Variants in CSRNP3 observed in about 807,000 individuals in gnomAD.
The protein encoded by CSRNP3 is cysteine and serine rich nuclear protein 3.
In CSRNP3, 12 loss-of-function variants were observed where a neutral mutation model predicts 48.0. That is an observed-to-expected ratio of 0.25 (90% CI 0.16 to 0.41). The LOEUF is 0.41. CSRNP3 is among the 10% of genes least tolerant of loss of function. The pLI, the probability that CSRNP3 is intolerant of heterozygous loss-of-function variation, is 1.00. For synonymous variants in CSRNP3, 263 were observed against 269.7 expected, an observed-to-expected ratio of 0.98 and a Z score of 0.24; for missense variants, 580 against 724.4, an observed-to-expected ratio of 0.80 and a Z score of 2.29.
rs116325116 is a variant in CSRNP3 at position 165,658,398 on chromosome 2, C to T, written c.408+378C>T. ...AATAAAAGCACAACTTCATTGAGTG[C>T]AATGTAGAAGAGTTGCAAGGTATTA... On this transcript the variant is annotated intron_variant, in intron 5 of 6. Coordinates refer to ENST00000651982, the MANE Select transcript of CSRNP3 (RefSeq NM_001172173.2). Among the ~76,000 whole-genome samples the T allele has an allele frequency of 5.1e-3, 776 of 152,070 alleles. 4 individuals are homozygous for T. Among genetic ancestry groups the T allele is most frequent in the East Asian group, 0.011 (58 of 5,172 alleles).
At chr2:165,607,052 T>C (rs1013675806) in intron 4 of CSRNP3, among the ~76,000 whole-genome samples, 7 of 152,120 alleles carry the variant, frequency 4.6e-5, no homozygotes, top group African/African-American at 1.7e-4. Context: ...TGTTATTTTC[T>C]AGAAGCTTGA....
intron 4 of CSRNP3, among the ~76,000 whole-genome samples, chr2:165,600,752 A>C (rs116558937): frequency 1.0e-3 from 154 of 152,314 alleles, no homozygotes; most frequent in African/African-American, 3.4e-3. Flanking sequence ...GTGTCTGTTC[A>C]TGTCCTTCAG....
Position 165,517,912 on chromosome 2 carries a change from T to C in CSRNP3, c.-73T>C, listed in dbSNP as rs1363440278. The C allele has an allele frequency of 5.3e-5, 8 of 152,378 alleles. No homozygotes were observed. The highest frequency in any genetic ancestry group is 1.0e-4 in the Non-Finnish European group (7 of 67,816). The allele number at this position is 152,378 out of a possible 1,614,324, so 9.4% of individuals were successfully genotyped here. On this transcript the variant is annotated 5_prime_UTR_variant, in exon 3 of 7. Coordinates refer to ENST00000651982, the MANE Select transcript of CSRNP3 (RefSeq NM_001172173.2). Reference sequence around the variant, plus strand: ...ATATCAACAGACTGAAAATATGTTTTCAGAGGCATAGAATCTTCAGGAAAA... The same window carrying C: ...ATATCAACAGACTGAAAATATGTTTCCAGAGGCATAGAATCTTCAGGAAAA...
At chr2:165,617,637 G>A (rs1686270963) in intron 4 of CSRNP3, among the ~76,000 whole-genome samples, 1 of 152,222 alleles carries the variant, frequency 6.6e-6, no homozygotes, top group South Asian at 2.1e-4. Context: ...AGTGGTTATA[G>A]CAACCCAGAA....
intron 4 of CSRNP3, among the ~76,000 whole-genome samples, chr2:165,604,752 T>G (rs890195332): frequency 6.6e-6 from 1 of 152,176 alleles, no homozygotes; most frequent in African/African-American, 2.4e-5. Flanking sequence ...CACCATCCTT[T>G]GAATTGGCTA....
At chr2:165,593,740 A>G (rs1021403855) in intron 3 of CSRNP3, among the ~76,000 whole-genome samples, 2 of 152,190 alleles carry the variant, frequency 1.3e-5, no homozygotes, top group African/African-American at 4.8e-5. Flanking sequence ...AAAGGAGACA[A>G]TGTCTTCAAT....
chr2:165,639,581 GA>G (rs1686692366), intron 4 of CSRNP3, among the ~76,000 whole-genome samples: 1 of 152,172 alleles, frequency 6.6e-6, no homozygotes, highest in Non-Finnish European at 1.5e-5. Context: ...CCGTGATTTT[GA>G]AATATACACA....
chr2:165,489,027 C>T (rs1462755238), intron 1 of CSRNP3, among the ~76,000 whole-genome samples: 1 of 139,086 alleles, frequency 7.2e-6, no homozygotes, highest in South Asian at 2.4e-4. Context: ...TTGAAAGGAT[C>T]AACAAAATTG....
At chr2:165,662,084 A>G (rs915714720) in intron 5 of CSRNP3, among the ~76,000 whole-genome samples, 10 of 123,676 alleles carry the variant, frequency 8.1e-5, no homozygotes, top group African/African-American at 2.4e-4. Context: ...ATACATGCAT[A>G]TACACTTCTA....
chr2:165,580,905 A>G (rs549755575), intron 3 of CSRNP3, among the ~76,000 whole-genome samples: 3 of 151,958 alleles, frequency 2.0e-5, no homozygotes, highest in Admixed American at 6.6e-5. Context: ...CAAATTGTCC[A>G]AGGAATTAGG....
intron 5 of CSRNP3, among the ~76,000 whole-genome samples, chr2:165,674,453 G>A (rs917301775): frequency 3.3e-5 from 5 of 151,582 alleles, no homozygotes; most frequent in African/African-American, 4.9e-5. Context: ...AACACAACCA[G>A]TCAATGTGAC....
chr2:165,630,544 C>T (rs1372853164), intron 4 of CSRNP3, among the ~76,000 whole-genome samples: 1 of 152,160 alleles, frequency 6.6e-6, no homozygotes, highest in African/African-American at 2.4e-5. Flanking sequence ...ATCTTTGTTT[C>T]TTCAGCTGGA....
intron 2 of CSRNP3, among the ~76,000 whole-genome samples, chr2:165,495,892 C>T (rs1684277435): frequency 6.6e-6 from 1 of 151,828 alleles, no homozygotes. Context: ...AGTTTAAACT[C>T]ACCAAAACAG....
At chr2:165,619,735 A>G (rs186809214) in intron 4 of CSRNP3, among the ~76,000 whole-genome samples, 117 of 152,316 alleles carry the variant, frequency 7.7e-4, no homozygotes, top group Non-Finnish European at 1.5e-3. Flanking sequence ...CCTAGTAGTC[A>G]GTCTGACAAA....
At chr2:165,532,790 T>C (rs1187864958) in intron 3 of CSRNP3, among the ~76,000 whole-genome samples, 1 of 152,150 alleles carries the variant, frequency 6.6e-6, no homozygotes, top group Non-Finnish European at 1.5e-5. Flanking sequence ...GCAGATGACA[T>C]GATTGTATAT....
intron 2 of CSRNP3, among the ~76,000 whole-genome samples, chr2:165,503,536 A>G (rs1387313463): frequency 6.6e-6 from 1 of 151,970 alleles, no homozygotes; most frequent in Non-Finnish European, 1.5e-5. Flanking sequence ...GTACACTACC[A>G]TACTCTTAAA....
chr2:165,556,308 T>TC (rs1685159895), intron 3 of CSRNP3, among the ~76,000 whole-genome samples: 1 of 152,152 alleles, frequency 6.6e-6, no homozygotes. Context: ...GACTATAGGT[T>TC]CACTGTTTGA....
At chr2:165,538,525 C>A (rs13000355) in intron 3 of CSRNP3, among the ~76,000 whole-genome samples, 1 of 151,706 alleles carries the variant, frequency 6.6e-6, no homozygotes, top group Non-Finnish European at 1.5e-5. Context: ...CAACTCATGG[C>A]GAAGAAAGGA....
intron 1 of CSRNP3, among the ~76,000 whole-genome samples, chr2:165,473,520 T>C (rs1381112522): frequency 7.2e-5 from 11 of 152,284 alleles, no homozygotes; most frequent in Admixed American, 3.3e-4. Context: ...ACATTTGTAC[T>C]ATAGTACATC....
Sources: allele counts gnomAD v4.1 joint callset (sites outside exome capture counted in the v4.1 genomes callset), GRCh38; gene constraint gnomAD v4.1.1; transcripts MANE v1.5; gene names NCBI Gene and HGNC (gene_info 2026-07-23, HGNC 2026-07-21).